The following DPYD variants were observed in gnomAD, a reference collection of about 807,000 sequenced individuals.
The protein encoded by DPYD is dihydropyrimidine dehydrogenase, also known as dihydropyrimidine dehydrogenase [NADP(+)].
A neutral mutation model predicts 116.2 loss-of-function variants in DPYD; 109 were observed. That is an observed-to-expected ratio of 0.94 (90% CI 0.80 to 1.10). The LOEUF is 1.10. Among genes scored for constraint, DPYD ranks in the 50% least tolerant of loss-of-function variants. The pLI is 0.00. For synonymous variants in DPYD, 440 were observed against 432.0 expected (o/e 1.02, Z -0.23); for missense variants, 1,302 against 1,254.5 (o/e 1.04, Z -0.57).
At chr1:97,282,032 TC>T (rs1665356424) in intron 18 of DPYD, among the ~76,000 whole-genome samples, 1 of 152,130 alleles carries the variant, frequency 6.6e-6, no homozygotes, top group Non-Finnish European at 1.5e-5. Flanking sequence ...AATATCTATC[TC>T]TATTTTAAGC....
chr1:97,302,574 C>G (rs1014979425), intron 18 of DPYD, among the ~76,000 whole-genome samples: 1 of 151,870 alleles, frequency 6.6e-6, no homozygotes, highest in Non-Finnish European at 1.5e-5. Flanking sequence ...CTTGATGTAA[C>G]TTTTAAGCTA....
chr1:97,384,108 C>T (rs1291251050), intron 14 of DPYD, among the ~76,000 whole-genome samples: 2 of 151,898 alleles, frequency 1.3e-5, no homozygotes, highest in African/African-American at 4.8e-5. Context: ...GATTCTATCT[C>T]CATAAAATAA....
chr1:97,612,982 A>T (rs1373128337), intron 8 of DPYD, among the ~76,000 whole-genome samples: 4 of 152,052 alleles, frequency 2.6e-5, no homozygotes, highest in Non-Finnish European at 5.9e-5. Context: ...TGAATAATCT[A>T]GAATGAATGT....
intron 13 of DPYD, 84 bp from the exon 14 acceptor site, chr1:97,450,307 T>C: frequency 1.4e-6 from 2 of 1,463,896 alleles, no homozygotes; most frequent in South Asian, 1.3e-5. Context: ...CATATGACAA[T>C]ATTTTATGAG....
intron 2 of DPYD, among the ~76,000 whole-genome samples, chr1:97,841,381 G>A (rs1048476998): frequency 8.6e-5 from 13 of 151,870 alleles, no homozygotes; most frequent in Admixed American, 2.6e-4. Context: ...TCCACAAGTG[G>A]CTTAACTTGT....
chr1:97,230,102 A>C (rs1268562565), intron 19 of DPYD, among the ~76,000 whole-genome samples: 1 of 152,232 alleles, frequency 6.6e-6, no homozygotes, highest in Non-Finnish European at 1.5e-5. Context: ...AGATAAATTT[A>C]GGCAAACAGA....
intron 8 of DPYD, among the ~76,000 whole-genome samples, chr1:97,653,831 A>AAC (rs1044958965): frequency 6.6e-6 from 1 of 152,040 alleles, no homozygotes; most frequent in African/African-American, 2.4e-5. Context: ...CACATACATA[A>AAC]ACACACACAC....
At chr1:97,522,633 G>T (rs1648767541) in intron 12 of DPYD, among the ~76,000 whole-genome samples, 1 of 151,652 alleles carries the variant, frequency 6.6e-6, no homozygotes, top group Non-Finnish European at 1.5e-5. Flanking sequence ...GCAGGAGAAT[G>T]GCGTGAACCC....
At chr1:97,386,175 C>CT (rs1304345914) in intron 14 of DPYD, among the ~76,000 whole-genome samples, 2 of 152,074 alleles carry the variant, frequency 1.3e-5, no homozygotes, top group African/African-American at 4.8e-5. Context: ...AAAGCAGACT[C>CT]TATCTTCTTG....
chr1:97,404,171 G>C lies in DPYD; in HGVS notation c.1906-21710C>G, dbSNP rs368620996. 4.0e-5 allele frequency among the ~76,000 whole-genome samples: 6 copies of C among 151,896 alleles called. No homozygotes were observed. The East Asian group carries it at 1.2e-3, about 30-fold the overall frequency. ...TCAGATCAGAGACTTTATGATTTCT[G>C]TCCTTTTAAAATTTAAGGTATGTTT... On this transcript the variant is annotated intron_variant, in intron 14 of 22. Transcript: ENST00000370192.
intron 16 of DPYD, among the ~76,000 whole-genome samples, chr1:97,312,332 T>C (rs1275985619): frequency 2.6e-5 from 4 of 151,836 alleles, no homozygotes; most frequent in African/African-American, 9.7e-5. Context: ...AGTAAATTAA[T>C]AACTCCTTTT....
chr1:97,755,629 T>A (rs1889230), intron 3 of DPYD, among the ~76,000 whole-genome samples: 151,536 of 152,258 alleles, frequency 1, 75,409 homozygotes, highest in Middle Eastern at 1. Context: ...TTATCCACAC[T>A]CCATACATTT....
chr1:97,639,239 A>T (rs990003304), intron 8 of DPYD, among the ~76,000 whole-genome samples: 24 of 152,322 alleles, frequency 1.6e-4, no homozygotes, highest in African/African-American at 5.3e-4. Flanking sequence ...ATAATGACTT[A>T]AAAATACATT....
At chr1:97,241,515 C>T (rs923451777) in intron 18 of DPYD, among the ~76,000 whole-genome samples, 1 of 152,126 alleles carries the variant, frequency 6.6e-6, no homozygotes. Context: ...GTCTCTGCGA[C>T]ATGAAAGTTC....
At chr1:97,257,520 T>C (rs1301673583) in intron 18 of DPYD, among the ~76,000 whole-genome samples, 1 of 150,182 alleles carries the variant, frequency 6.7e-6, no homozygotes, top group Admixed American at 6.7e-5. Context: ...CTCTATATAG[T>C]GTGCATATGT....
chr1:97,560,505 T>A (rs149964104), intron 11 of DPYD, among the ~76,000 whole-genome samples: 1 of 151,632 alleles, frequency 6.6e-6, no homozygotes, highest in Non-Finnish European at 1.5e-5. Context: ...TGTTTCATAA[T>A]TTTTAATAGG....
chr1:97,571,619 G>A (rs1652899185), intron 11 of DPYD, among the ~76,000 whole-genome samples: 1 of 151,880 alleles, frequency 6.6e-6, no homozygotes, highest in Non-Finnish European at 1.5e-5. Context: ...TCACATATGT[G>A]ATAATCACTA....
chr1:97,754,432 C>T (rs1665117272), intron 3 of DPYD, among the ~76,000 whole-genome samples: 1 of 152,152 alleles, frequency 6.6e-6, no homozygotes, highest in African/African-American at 2.4e-5. Flanking sequence ...CTCCACTATG[C>T]TCCTAATGAA....
chr1:97,504,062 T>C (rs1679746304), intron 13 of DPYD, among the ~76,000 whole-genome samples: 1 of 152,052 alleles, frequency 6.6e-6, no homozygotes, highest in African/African-American at 2.4e-5. Context: ...AAACAAAATG[T>C]TAACAAAAAG....
Sources: gnomAD v4.1 joint callset for allele counts (sites outside exome capture counted in the v4.1 genomes callset) on GRCh38, gnomAD v4.1.1 for gene constraint, MANE v1.5 for transcripts, NCBI Gene and HGNC (gene_info 2026-07-23, HGNC 2026-07-21) for gene names.